The following CLSTN1 variants were observed in gnomAD, a reference collection of about 807,000 sequenced individuals.
CLSTN1 encodes the protein calsyntenin-1.
CLSTN1 carries 28 observed loss-of-function variants against 108.3 expected under a neutral mutation model. That is an observed-to-expected ratio of 0.26 (90% CI 0.19 to 0.35). CLSTN1 has a LOEUF of 0.35. Ranked by LOEUF, CLSTN1 falls within the 10% of genes least tolerant of loss-of-function variation. The probability of loss-of-function intolerance (pLI) is 1.00; values close to 1 mark genes in which losing one functional copy is unlikely to be tolerated. For synonymous variants in CLSTN1, 524 were observed against 534.9 expected, an observed-to-expected ratio of 0.98 and a Z score of 0.28; for missense variants, 1,157 against 1,302.6, an observed-to-expected ratio of 0.89 and a Z score of 1.72.
Position 9,751,386 on chromosome 1 carries a change from T to G in CLSTN1, c.649+87A>C. The G allele has an allele frequency of 3.1e-6, 4 of 1,304,266 alleles. No individual in the cohort carries two copies. The South Asian group carries it at 5.2e-5, about 17-fold the overall frequency. The allele number at this position is 1,304,266 out of a possible 1,614,324, so 80.8% of individuals were successfully genotyped here. A position where few individuals can be genotyped will look rare whatever the true frequency, so the allele number is the denominator to read the frequency against. ...CCAACTTGTGAGTTCCATGAAGTTC[T>G]GACGAAGCACAGAAGCTGGGGTGTA... On this transcript the variant is annotated intron_variant, in intron 5 of 18. Coordinates refer to ENST00000377298, the MANE Select transcript of CLSTN1 (RefSeq NM_001009566.3).
At chr1:9,744,760 T>C (rs1014539590) in intron 7 of CLSTN1, 117 bp from the exon 8 acceptor site, 25 of 1,278,870 alleles carry the variant, frequency 2.0e-5, no homozygotes, top group Non-Finnish European at 4.2e-6. Flanking sequence ...AGTTTACTTT[T>C]TTTTTTTCTT....
chr1:9,750,495 G>C (rs1651504059), intron 5 of CLSTN1, among the ~76,000 whole-genome samples: 1 of 151,960 alleles, frequency 6.6e-6, no homozygotes, highest in Non-Finnish European at 1.5e-5. Flanking sequence ...GAGTGCAGTG[G>C]CCTGATCTCG....
chr1:9,750,149 T>TA, intron 5 of CLSTN1: 1 of 443,844 alleles, frequency 2.3e-6, no homozygotes, highest in East Asian at 4.0e-5. Context: ...AGTCTCCACT[T>TA]ACTCTCACAG....
chr1:9,821,692 A>C (rs1655196791), intron 1 of CLSTN1, among the ~76,000 whole-genome samples: 1 of 152,204 alleles, frequency 6.6e-6, no homozygotes, highest in Non-Finnish European at 1.5e-5. Context: ...CCAAACTGTA[A>C]ATTTACATAT....
intron 1 of CLSTN1, among the ~76,000 whole-genome samples, chr1:9,791,406 A>AT (rs1048504717): frequency 6.6e-6 from 1 of 150,964 alleles, no homozygotes; most frequent in Non-Finnish European, 1.5e-5. Context: ...TAGTTTTAAA[A>AT]TTTTTTTGTA....
At chr1:9,809,707 C>A (rs1413135981) in intron 1 of CLSTN1, among the ~76,000 whole-genome samples, 1 of 151,870 alleles carries the variant, frequency 6.6e-6, no homozygotes, top group Non-Finnish European at 1.5e-5. Context: ...TCGAGACCAA[C>A]CTGGCCAACA....
chr1:9,769,136 G>C (rs1652539414), intron 2 of CLSTN1, among the ~76,000 whole-genome samples: 1 of 145,406 alleles, frequency 6.9e-6, no homozygotes. Context: ...GAAATGAGAG[G>C]GAGAGAGGGA....
rs138220820 is a variant in CLSTN1, at chr1:9,739,752, G to C, written c.1519+1342C>G. Reference sequence around the variant, plus strand: ...CTGAGTGTGGGCCCAGAATACACAGGTTTTTCTTTTTCTTTTGAGACAGGG... The same window carrying C: ...CTGAGTGTGGGCCCAGAATACACAGCTTTTTCTTTTTCTTTTGAGACAGGG... On this transcript the variant is annotated intron_variant, in intron 10 of 18. Coordinates refer to ENST00000377298, the MANE Select transcript of CLSTN1 (RefSeq NM_001009566.3). 1.9e-4 allele frequency among the ~76,000 whole-genome samples: 29 copies of C among 151,590 alleles called. 1 individual carries two copies. In the East Asian group the frequency reaches 5.2e-3, roughly 27 times the overall value.
chr1:9,738,414 G>T (rs1452664564), intron 10 of CLSTN1, among the ~76,000 whole-genome samples: 1 of 152,158 alleles, frequency 6.6e-6, no homozygotes, highest in African/African-American at 2.4e-5. Flanking sequence ...CGGCTGTGCG[G>T]GGCTGCATCA....
At chr1:9,767,952 G>A (rs940778074) in intron 2 of CLSTN1, among the ~76,000 whole-genome samples, 35 of 152,144 alleles carry the variant, frequency 2.3e-4, no homozygotes, top group South Asian at 6.2e-4. Flanking sequence ...CTCTTCACAC[G>A]TATGAATAAA....
intron 1 of CLSTN1, among the ~76,000 whole-genome samples, chr1:9,784,000 T>C (rs182081678): frequency 6.1e-5 from 9 of 146,672 alleles, no homozygotes; most frequent in Non-Finnish European, 1.1e-4. Flanking sequence ...TCTCAAAAAA[T>C]AATAATAATA....
chr1:9,757,330 C>T (rs1294095603), intron 2 of CLSTN1, among the ~76,000 whole-genome samples: 1 of 150,966 alleles, frequency 6.6e-6, no homozygotes, highest in Non-Finnish European at 1.5e-5. Context: ...CAAGCTCCGC[C>T]TCCCTGGTTC....
chr1:9,782,463 TTGAA>T (rs1463618948), intron 1 of CLSTN1, among the ~76,000 whole-genome samples: 1 of 152,206 alleles, frequency 6.6e-6, no homozygotes, highest in African/African-American at 2.4e-5. Context: ...AAACTAAACT[TTGAA>T]TGTATTAATT....
In CLSTN1 at chr1:9,751,595, C is replaced by T. The variant is rs35331030; in HGVS notation, c.527G>A (p.Gly176Glu). Residue 176 changes from glycine to glutamate, a missense_variant, in exon 5 of 19, where the codon GGG (glycine) becomes GAG (glutamate). Coordinates refer to ENST00000377298, the MANE Select transcript of CLSTN1 (RefSeq NM_001009566.3). Reference protein sequence around the residue: ...EKSYKATVIEGKQYDSILRVE... With the variant: ...EKSYKATVIEEKQYDSILRVE... ...CCTCAAAATGCTGTCGTACTGCTTC[C>T]CCTCGATGACCGTGGCTTTGTAGGA... is the stretch of plus-strand genomic sequence containing the variant. 26,358 of 1,614,126 alleles carry T rather than the reference C, an allele frequency of 0.016. 279 individuals carry two copies. The highest frequency in any genetic ancestry group is 0.02 in the Non-Finnish European group (23,633 of 1,180,012).
At chr1:9,760,489 G>A (rs146337550) in intron 2 of CLSTN1, among the ~76,000 whole-genome samples, 1 of 151,952 alleles carries the variant, frequency 6.6e-6, no homozygotes, top group Non-Finnish European at 1.5e-5. Flanking sequence ...AAGACGGATC[G>A]GACTGGAGCA....
At chr1:9,808,707 G>A (rs553531614) in intron 1 of CLSTN1, among the ~76,000 whole-genome samples, 1 of 152,188 alleles carries the variant, frequency 6.6e-6, no homozygotes, top group South Asian at 2.1e-4. Context: ...CGAGCTCTCA[G>A]GAAAAAGGCC....
In CLSTN1 at chr1:9,768,658, T is replaced by C. The variant is rs558200551; in HGVS notation, c.214+4614A>G. ...GGGCAGGGTTCTGTGTTGGGTGGTATCATGGGGGCGGGGTTCTGTTAGGTG... is the reference window on the plus strand; with the variant it reads ...GGGCAGGGTTCTGTGTTGGGTGGTACCATGGGGGCGGGGTTCTGTTAGGTG... On this transcript the variant is annotated intron_variant, in intron 2 of 18. Coordinates refer to ENST00000377298, the MANE Select transcript of CLSTN1 (RefSeq NM_001009566.3). Among the ~76,000 whole-genome samples, 380 of 50,078 alleles carry C rather than the reference T, an allele frequency of 7.6e-3. 3 individuals carry two copies. Among genetic ancestry groups the C allele is most frequent in the Non-Finnish European group, 7.7e-3 (225 of 29,042 alleles). 32.9% of individuals were successfully genotyped at this position (50,078 alleles called of 152,430 possible).
Position 9,731,395 on chromosome 1 carries a change from G to A in CLSTN1, c.2564-5C>T, listed in dbSNP as rs1226545224. ...CTGTCGCAGTGCTGGGGACGACTGT[G>A]GGAGAATGAGGGGGCGGGATGCGAG... is the stretch of plus-strand genomic sequence containing the variant. On this transcript the variant is annotated splice_polypyrimidine_tract_variant and splice_region_variant and intron_variant, in intron 17 of 18. Transcript: ENST00000377298. 1.2e-6 allele frequency: 2 copies of A among 1,612,456 alleles called. No homozygotes were observed. Among genetic ancestry groups the A allele is most frequent in the Non-Finnish European group, 8.5e-7 (1 of 1,178,748 alleles).
At chr1:9,743,056 C>T (rs889260536) in intron 9 of CLSTN1, among the ~76,000 whole-genome samples, 2 of 152,112 alleles carry the variant, frequency 1.3e-5, no homozygotes, top group African/African-American at 4.8e-5. Context: ...CAACTGCAGG[C>T]ACATATAACA....
Sources: gnomAD v4.1 joint callset for allele counts (sites outside exome capture counted in the v4.1 genomes callset) on GRCh38, gnomAD v4.1.1 for gene constraint, MANE v1.5 for transcripts, NCBI Gene and HGNC (gene_info 2026-07-23, HGNC 2026-07-21) for gene names.